The following FTCDNL1 variants were observed in gnomAD, a reference collection of about 807,000 sequenced individuals.
FTCDNL1 encodes formiminotransferase cyclodeaminase N-terminal like, also known as formiminotransferase N-terminal subdomain-containing protein.
FTCDNL1 carries 11 observed loss-of-function variants against 5.9 expected under a neutral mutation model. The observed-to-expected ratio is 1.87, with a 90% CI of 1.18 to 3.10. FTCDNL1 has a LOEUF of 3.10. FTCDNL1 is among the 30% of genes most tolerant of loss of function. The pLI, the probability that FTCDNL1 is intolerant of heterozygous loss-of-function variation, is 0.00. For synonymous variants in FTCDNL1, 58 were observed against 24.8 expected, an observed-to-expected ratio of 2.34 and a Z score of -3.99; for missense variants, 115 against 65.5, an observed-to-expected ratio of 1.76 and a Z score of -2.61.
chr2:199,827,283 G>A (rs1702093260), intron 3 of FTCDNL1, among the ~76,000 whole-genome samples: 1 of 152,204 alleles, frequency 6.6e-6, no homozygotes, highest in African/African-American at 2.4e-5. Flanking sequence ...TAGGATAACT[G>A]ACCCAGATTC....
chr2:199,719,086 G>A, the FTCDNL1 span, among the ~76,000 whole-genome samples: 4 of 152,032 alleles, frequency 2.6e-5, no homozygotes, highest in South Asian at 8.3e-4. Flanking sequence ...TGTTGCATTT[G>A]TCTTTGAAGA....
chr2:199,798,406 C>A (rs1214751788), intron 3 of FTCDNL1, among the ~76,000 whole-genome samples: 1 of 152,134 alleles, frequency 6.6e-6, no homozygotes, highest in African/African-American at 2.4e-5. Context: ...GAGTTAAATA[C>A]CCCAGCCAAA....
rs199525463 is a variant in FTCDNL1 at position 199,842,104 on chromosome 2, CA to C, written c.211+3970del. ...CAAAACCCCATTTCTACTAAAAATA[CA>C]AAAAAAAAAACAATTAGCTGGGTAT... is the stretch of plus-strand genomic sequence containing the variant. On this transcript the variant is annotated intron_variant, in intron 3 of 4. Transcript: ENST00000420128. 4.3e-3 allele frequency among the ~76,000 whole-genome samples: 609 copies of C among 141,606 alleles called. 4 individuals carry two copies. The highest frequency in any genetic ancestry group is 8.5e-3 in the African/African-American group (328 of 38,804). The allele number at this position is 141,606 out of a possible 152,430, so 92.9% of individuals were successfully genotyped here. A position where few individuals can be genotyped will look rare whatever the true frequency, so the allele number is the denominator to read the frequency against.
chr2:199,832,523 G>A (rs6710393), intron 3 of FTCDNL1, among the ~76,000 whole-genome samples: 124,941 of 152,192 alleles, frequency 0.82, 51,357 homozygotes, highest in Admixed American at 0.89. Context: ...AAGAACTGAT[G>A]AAGGAGAAGC....
intron 3 of FTCDNL1, among the ~76,000 whole-genome samples, chr2:199,789,959 T>A (rs1202360478): frequency 6.6e-6 from 1 of 152,070 alleles, no homozygotes; most frequent in African/African-American, 2.4e-5. Flanking sequence ...GTCTGGCAAG[T>A]GGAAGGATAC....
chr2:199,697,628 G>C, the FTCDNL1 span, among the ~76,000 whole-genome samples: 1 of 152,086 alleles, frequency 6.6e-6, no homozygotes, highest in East Asian at 1.9e-4. Flanking sequence ...ATCCTTAAGG[G>C]AGTGCTAAAC....
the FTCDNL1 span, among the ~76,000 whole-genome samples, chr2:199,733,708 C>G: frequency 9.2e-5 from 14 of 152,140 alleles, no homozygotes; most frequent in Non-Finnish European, 1.6e-4. Flanking sequence ...AGCACAGCAC[C>G]TCAAAATGTG....
At chr2:199,759,676 A>T (rs1448019460), downstream of FTCDNL1, among the ~76,000 whole-genome samples, 1 of 152,224 alleles carries the variant, frequency 6.6e-6, no homozygotes, top group Non-Finnish European at 1.5e-5. Flanking sequence ...ATACTTCCAC[A>T]TGTCATCATA....
chr2:199,735,269 C>A, the FTCDNL1 span, among the ~76,000 whole-genome samples: 3 of 152,254 alleles, frequency 2.0e-5, no homozygotes, highest in East Asian at 1.9e-4. Context: ...CTGACTTTGA[C>A]CATTCAATTT....
chr2:199,829,346 A>T (rs1702225466), intron 3 of FTCDNL1, among the ~76,000 whole-genome samples: 1 of 152,166 alleles, frequency 6.6e-6, no homozygotes, highest in Admixed American at 6.6e-5. Context: ...TGTTTGGCTG[A>T]CCTTATTTGC....
chr2:199,759,451 T>G (rs1330654311), downstream of FTCDNL1, among the ~76,000 whole-genome samples: 1 of 152,156 alleles, frequency 6.6e-6, no homozygotes, highest in Admixed American at 6.6e-5. Flanking sequence ...CCAGCCTCCA[T>G]GACTTCAGAT....
chr2:199,705,983 G>T, the FTCDNL1 span, among the ~76,000 whole-genome samples: 16 of 152,142 alleles, frequency 1.1e-4, no homozygotes, highest in African/African-American at 3.9e-4. Flanking sequence ...AATAATCCCT[G>T]TCTTGGGCTA....
At chr2:199,843,559 C>T (rs1233125285) in intron 3 of FTCDNL1, among the ~76,000 whole-genome samples, 1 of 152,144 alleles carries the variant, frequency 6.6e-6, no homozygotes, top group African/African-American at 2.4e-5. Flanking sequence ...GTGAGGTACT[C>T]CTTTGGAAGC....
the FTCDNL1 span, among the ~76,000 whole-genome samples, chr2:199,750,433 G>T: frequency 6.6e-6 from 1 of 152,078 alleles, no homozygotes; most frequent in South Asian, 2.1e-4. Context: ...AATTCTCATT[G>T]GTCAATTTAT....
At chr2:199,820,902 T>G (rs1398816760) in intron 3 of FTCDNL1, among the ~76,000 whole-genome samples, 2 of 152,238 alleles carry the variant, frequency 1.3e-5, no homozygotes, top group African/African-American at 4.8e-5. Context: ...TGGCCTGGGA[T>G]AGCAGGAGTG....
chr2:199,802,547 T>C (rs185159279), intron 3 of FTCDNL1, among the ~76,000 whole-genome samples: 46 of 152,310 alleles, frequency 3.0e-4, no homozygotes, highest in Non-Finnish European at 5.4e-4. Context: ...TCCACATCCA[T>C]CCTGGTTCTA....
the FTCDNL1 span, among the ~76,000 whole-genome samples, chr2:199,710,332 G>A: frequency 2.0e-5 from 3 of 152,098 alleles, no homozygotes; most frequent in East Asian, 5.8e-4. Flanking sequence ...TTTTTTTCAG[G>A]TGTGAGTTAT....
intron 3 of FTCDNL1, among the ~76,000 whole-genome samples, chr2:199,795,991 C>T (rs538907339): frequency 9.3e-4 from 141 of 152,008 alleles, no homozygotes; most frequent in Non-Finnish European, 1.6e-3. Flanking sequence ...ATGATCTTTG[C>T]TATGTGGAAA....
At chr2:199,765,556 A>ATACAT in intron 3 of FTCDNL1, among the ~76,000 whole-genome samples, 2 of 42,656 alleles carry the variant, frequency 4.7e-5, no homozygotes, top group African/African-American at 1.3e-4. Flanking sequence ...ATATATATAT[A>ATACAT]TTTTTTTTTT....
Sources: allele counts gnomAD v4.1 joint callset (sites outside exome capture counted in the v4.1 genomes callset), GRCh38; gene constraint gnomAD v4.1.1; transcripts MANE v1.5; gene names NCBI Gene and HGNC (gene_info 2026-07-23, HGNC 2026-07-21).